Variants in SPEF2 observed in about 807,000 individuals in gnomAD.
SPEF2 encodes sperm flagella and cilia-associated protein 2.
In SPEF2, 187 loss-of-function variants were observed where a neutral mutation model predicts 224.6. The ratio of observed to expected loss-of-function variants is 0.83; its 90% confidence interval spans 0.74 to 0.94. SPEF2 has a LOEUF of 0.94. Ranked by LOEUF, SPEF2 falls within the 40% of genes least tolerant of loss-of-function variation. The pLI is 0.00. For missense variants in SPEF2, 2,170 were observed against 2,135.6 expected (o/e 1.02, Z -0.32); for synonymous variants, 715 against 707.3 (o/e 1.01, Z -0.17).
intron 20 of SPEF2, among the ~76,000 whole-genome samples, chr5:35,722,935 A>G (rs1744001481): frequency 6.6e-6 from 1 of 152,016 alleles, no homozygotes; most frequent in Admixed American, 6.6e-5. Context: ...TTCAGCTAAA[A>G]TGGGGTTCTT....
At position 35,797,625 on chromosome 5, in the gene SPEF2, A is replaced by C. The variant is rs6889806; in HGVS notation, c.4830+1830A>C. Among the ~76,000 whole-genome samples the C allele has an allele frequency of 5.4e-3, 815 of 152,234 alleles. 7 individuals carry two copies. Among genetic ancestry groups the C allele is most frequent in the African/African-American group, 0.019 (783 of 41,538 alleles). On this transcript the variant is annotated intron_variant, in intron 33 of 36. Coordinates refer to ENST00000356031, the MANE Select transcript of SPEF2 (RefSeq NM_024867.4). ...ACTCTTGGAACAGCGATTGGCACAT[A>C]ATAAGTCCTATGTGTCAGTCAACAA... is the stretch of plus-strand genomic sequence containing the variant.
At chr5:35,635,056 C>T (rs1275253075) in intron 2 of SPEF2, among the ~76,000 whole-genome samples, 1 of 151,868 alleles carries the variant, frequency 6.6e-6, no homozygotes, top group East Asian at 1.9e-4. Context: ...GGTGGAATTT[C>T]TCTGATGTTT....
chr5:35,670,296 A>T lies in SPEF2; in HGVS notation c.1524+69A>T, dbSNP rs1380887032. On this transcript the variant is annotated intron_variant, in intron 10 of 36. Coordinates refer to ENST00000356031, the MANE Select transcript of SPEF2 (RefSeq NM_024867.4). ...CTTTTTCTTTAACATTAATTTTGTG[A>T]TATTCCTTATTTCATTTCTACTAAT... 51 of 1,505,934 alleles carry T rather than the reference A, an allele frequency of 3.4e-5. 1 individual carries two copies. In the Admixed American group the frequency reaches 1.2e-3, roughly 36 times the overall value. The allele number at this position is 1,505,934 out of a possible 1,614,324, so 93.3% of individuals were successfully genotyped here.
chr5:35,630,179 A>G lies in SPEF2; in HGVS notation c.161+1617A>G, dbSNP rs1414372046. 3.3e-5 allele frequency among the ~76,000 whole-genome samples: 5 copies of G among 152,040 alleles called. No homozygotes were observed. In the East Asian group the frequency reaches 5.8e-4, roughly 18 times the overall value. On this transcript the variant is annotated intron_variant, in intron 2 of 36. Transcript: ENST00000356031. ...TACAACCCCCCTCCTGGCTGCATTC[A>G]CAGGCTGGTGTTGAGTGTATGTGGC...
intron 26 of SPEF2, among the ~76,000 whole-genome samples, chr5:35,770,022 T>TGC (rs1554053679): frequency 9.5e-5 from 12 of 126,290 alleles, no homozygotes; most frequent in Non-Finnish European, 1.6e-4. Flanking sequence ...TGTGTGTGTG[T>TGC]GCATGTGCGT....
intron 10 of SPEF2, chr5:35,671,589 T>C (rs1751224765): frequency 1.1e-6 from 1 of 890,732 alleles, no homozygotes. Flanking sequence ...TACTGGTTCA[T>C]CGAATGTTTA....
chr5:35,805,720 A>G (rs557466687), intron 34 of SPEF2, among the ~76,000 whole-genome samples: 1 of 152,308 alleles, frequency 6.6e-6, no homozygotes, highest in African/African-American at 2.4e-5. Context: ...GCTATCCAGA[A>G]GTCACCACTG....
At chr5:35,736,686 C>T (rs1343307593) in intron 21 of SPEF2, among the ~76,000 whole-genome samples, 1 of 152,130 alleles carries the variant, frequency 6.6e-6, no homozygotes, top group South Asian at 2.1e-4. Flanking sequence ...CAGAGCCAAA[C>T]CATATCATGG....
chr5:35,748,604 C>A (rs1001386781), intron 23 of SPEF2, among the ~76,000 whole-genome samples: 2 of 152,084 alleles, frequency 1.3e-5, no homozygotes, highest in African/African-American at 2.4e-5. Context: ...AAAAATACAA[C>A]CTTCCTAGCT....
At chr5:35,710,658 C>T in intron 19 of SPEF2, 1 of 984,636 alleles carries the variant, frequency 1.0e-6, no homozygotes, top group Non-Finnish European at 1.2e-6. Flanking sequence ...AGCTATGACT[C>T]TAGGTTAAAG....
intron 20 of SPEF2, among the ~76,000 whole-genome samples, chr5:35,715,108 G>A (rs1486033049): frequency 2.0e-5 from 3 of 151,864 alleles, no homozygotes; most frequent in Admixed American, 6.6e-5. Context: ...GTAGAGATGG[G>A]GTTTCAGCAT....
At chr5:35,713,728 T>C (rs900428381) in intron 20 of SPEF2, among the ~76,000 whole-genome samples, 3 of 80,086 alleles carry the variant, frequency 3.7e-5, no homozygotes, top group Non-Finnish European at 5.3e-5. Context: ...ACAGACTCTG[T>C]CTCAAAATAT....
At chr5:35,783,149 T>A (rs1754581796) in intron 30 of SPEF2, among the ~76,000 whole-genome samples, 4 of 152,222 alleles carry the variant, frequency 2.6e-5, no homozygotes, top group Admixed American at 2.6e-4. Context: ...AGTGAATATT[T>A]TCTGAATTAT....
At chr5:35,810,926 C>G (rs1758493331) in intron 36 of SPEF2, among the ~76,000 whole-genome samples, 1 of 152,134 alleles carries the variant, frequency 6.6e-6, no homozygotes, top group African/African-American at 2.4e-5. Context: ...CCTGGTCACT[C>G]CACCAAGGAA....
At chr5:35,674,350 T>C (rs1449509798) in intron 10 of SPEF2, among the ~76,000 whole-genome samples, 12 of 149,368 alleles carry the variant, frequency 8.0e-5, no homozygotes, top group Non-Finnish European at 5.9e-5. Context: ...TTTTTTTTTT[T>C]TTTTTTTGGT....
chr5:35,670,883 C>A (rs1489560216), intron 10 of SPEF2: 1 of 985,078 alleles, frequency 1.0e-6, no homozygotes, highest in East Asian at 1.1e-4. Flanking sequence ...ATACCTACTT[C>A]ATTTAAAATA....
At chr5:35,627,842 A>T (rs1744487409) in intron 1 of SPEF2, among the ~76,000 whole-genome samples, 1 of 152,196 alleles carries the variant, frequency 6.6e-6, no homozygotes, top group Non-Finnish European at 1.5e-5. Context: ...AGATTCCAGC[A>T]CAGGTATCTC....
At chr5:35,659,725 C>G (rs1749447662) in intron 8 of SPEF2, among the ~76,000 whole-genome samples, 1 of 151,920 alleles carries the variant, frequency 6.6e-6, no homozygotes, top group Admixed American at 6.6e-5. Context: ...TTCCTTGAGT[C>G]ATTACTTTTT....
chr5:35,756,334 C>T (rs1275455222), intron 24 of SPEF2, among the ~76,000 whole-genome samples: 2 of 152,150 alleles, frequency 1.3e-5, no homozygotes, highest in African/African-American at 4.8e-5. Flanking sequence ...ACTCATCCCC[C>T]ATGGATAAGG....
Sources: allele counts gnomAD v4.1 joint callset (sites outside exome capture counted in the v4.1 genomes callset), GRCh38; gene constraint gnomAD v4.1.1; transcripts MANE v1.5; gene names NCBI Gene and HGNC (gene_info 2026-07-23, HGNC 2026-07-21).